The following S100Z variants were observed in gnomAD, a reference collection of about 807,000 sequenced individuals.
S100Z encodes the protein S100 calcium binding protein Z.
In S100Z, 11 loss-of-function variants were observed where a neutral mutation model predicts 8.5. The observed-to-expected ratio is 1.30, with a 90% confidence interval of 0.82 to 2.15. The LOEUF (loss-of-function observed/expected upper bound fraction) is 2.15, where lower values mean the gene tolerates loss of function less well. Ranked by LOEUF, S100Z falls within the 30% of genes most tolerant of loss-of-function variation. The pLI, the probability that S100Z is intolerant of heterozygous loss-of-function variation, is 0.00. For missense variants in S100Z, 126 were observed against 117.9 expected, an observed-to-expected ratio of 1.07 and a Z score of -0.32; for synonymous variants, 34 against 43.8, an observed-to-expected ratio of 0.78 and a Z score of 0.89.
intron 4 of S100Z, among the ~76,000 whole-genome samples, chr5:76,903,555 AAGT>A (rs1455066814): frequency 7.2e-5 from 11 of 152,130 alleles, no homozygotes; most frequent in Non-Finnish European, 1.6e-4. Flanking sequence ...TCTTTAAGGT[AAGT>A]AGTAAGTGTG....
chr5:76,863,575 G>C (rs1364645834), intron 1 of S100Z, among the ~76,000 whole-genome samples: 1 of 152,220 alleles, frequency 6.6e-6, no homozygotes, highest in South Asian at 2.1e-4. Flanking sequence ...GTCTCACTCT[G>C]TTGCCCAGGC....
At chr5:76,949,174 G>T in the S100Z span, among the ~76,000 whole-genome samples, 19 of 152,170 alleles carry the variant, frequency 1.2e-4, no homozygotes, top group South Asian at 6.2e-4. Flanking sequence ...AGATCACGAG[G>T]TCAGGAGATC....
intron 1 of S100Z, among the ~76,000 whole-genome samples, chr5:76,852,007 CA>C (rs1455104971): frequency 6.6e-6 from 1 of 151,882 alleles, no homozygotes; most frequent in Non-Finnish European, 1.5e-5. Flanking sequence ...TCTTGAGTTG[CA>C]GTCTTAAAAT....
At chr5:76,952,813 G>C in the S100Z span, 118 of 322,134 alleles carry the variant, frequency 3.7e-4, no homozygotes, top group African/African-American at 2.2e-3. Context: ...CTTTGTCTCC[G>C]CCTCATTCTC....
the S100Z span, among the ~76,000 whole-genome samples, chr5:76,941,998 A>G: frequency 6.6e-6 from 1 of 152,122 alleles, no homozygotes; most frequent in Non-Finnish European, 1.5e-5. Flanking sequence ...CATCGAGAGC[A>G]CTTTCAGTTG....
At chr5:76,916,160 C>CAAAA (rs60866296) in intron 4 of S100Z, among the ~76,000 whole-genome samples, 3 of 66,818 alleles carry the variant, frequency 4.5e-5, no homozygotes, top group East Asian at 5.7e-4. Context: ...GACTCCATCT[C>CAAAA]AAAAAAAAAA....
At chr5:76,894,082 C>T (rs950106265) in intron 4 of S100Z, among the ~76,000 whole-genome samples, 1 of 152,158 alleles carries the variant, frequency 6.6e-6, no homozygotes, top group Admixed American at 6.5e-5. Context: ...GCATTAATAT[C>T]AACACAGACT....
At chr5:76,931,234 G>A in the S100Z span, among the ~76,000 whole-genome samples, 1 of 152,000 alleles carries the variant, frequency 6.6e-6, no homozygotes, top group African/African-American at 2.4e-5. Flanking sequence ...AGCCTCCCGA[G>A]TAGCTGGGAC....
intron 1 of S100Z, among the ~76,000 whole-genome samples, chr5:76,859,341 G>A (rs570061506): frequency 7.9e-5 from 12 of 152,316 alleles, no homozygotes; most frequent in Admixed American, 3.9e-4. Context: ...CTGAACTGCT[G>A]AGAAAAGAAG....
intron 1 of S100Z, among the ~76,000 whole-genome samples, chr5:76,863,523 CTTATT>C (rs1206501181): frequency 1.3e-5 from 2 of 152,092 alleles, no homozygotes; most frequent in Non-Finnish European, 2.9e-5. Context: ...TATATTATCT[CTTATT>C]TTGTTTTATT....
At chr5:76,924,854 G>C (rs1021383178), downstream of S100Z, among the ~76,000 whole-genome samples, 25 of 151,972 alleles carry the variant, frequency 1.6e-4, no homozygotes, top group African/African-American at 5.3e-4. Flanking sequence ...TGGAGATTGC[G>C]GTGAGCCAAG....
downstream of S100Z, chr5:76,921,660 T>C (rs181188069): frequency 3.0e-4 from 45 of 152,326 alleles, no homozygotes; most frequent in African/African-American, 1.1e-3. Flanking sequence ...ATCAAGTTTC[T>C]GTCATATTTG....
At chr5:76,943,752 A>G in the S100Z span, among the ~76,000 whole-genome samples, 1 of 117,096 alleles carries the variant, frequency 8.5e-6, no homozygotes, top group Non-Finnish European at 1.8e-5. Context: ...TTACTCCCAC[A>G]TCCTTCACCT....
intron 1 of S100Z, among the ~76,000 whole-genome samples, chr5:76,863,719 T>C (rs1021301644): frequency 8.6e-5 from 13 of 152,016 alleles, no homozygotes; most frequent in East Asian, 1.9e-4. Flanking sequence ...TTTGTATTTT[T>C]AGTAGAGACG....
the S100Z span, chr5:76,948,890 A>G: frequency 6.6e-6 from 1 of 152,236 alleles, no homozygotes; most frequent in Admixed American, 6.5e-5. Context: ...CTAAATGATG[A>G]GAACAAACAC....
At chr5:76,952,184 T>C in the S100Z span, among the ~76,000 whole-genome samples, 2 of 152,224 alleles carry the variant, frequency 1.3e-5, no homozygotes, top group African/African-American at 4.8e-5. Flanking sequence ...GCAAATTTGC[T>C]GGTGAGCAGT....
At chr5:76,901,150 C>A (rs1246152812) in intron 4 of S100Z, among the ~76,000 whole-genome samples, 1 of 144,552 alleles carries the variant, frequency 6.9e-6, no homozygotes. Context: ...GTGGCCACCA[C>A]CACAATGACT....
At chr5:76,869,360 G>A (rs1742921040) in intron 1 of S100Z, among the ~76,000 whole-genome samples, 1 of 152,212 alleles carries the variant, frequency 6.6e-6, no homozygotes, top group African/African-American at 2.4e-5. Context: ...GGGGATGTGG[G>A]GTGGGTAGTT....
chr5:76,875,079 G>C (rs547476014), intron 2 of S100Z, among the ~76,000 whole-genome samples: 1 of 152,042 alleles, frequency 6.6e-6, no homozygotes, highest in Non-Finnish European at 1.5e-5. Context: ...TTTTAGTAGA[G>C]ACGGGGTTTC....
Sources: allele counts gnomAD v4.1 joint callset (sites outside exome capture counted in the v4.1 genomes callset), GRCh38; gene constraint gnomAD v4.1.1; transcripts MANE v1.5; gene names NCBI Gene and HGNC (gene_info 2026-07-23, HGNC 2026-07-21).